CFAP77: variants seen among roughly 807,000 people sequenced by gnomAD.
CFAP77 encodes the protein cilia- and flagella-associated protein 77.
In CFAP77, 25 loss-of-function variants were observed where a neutral mutation model predicts 31.1. The ratio of observed to expected loss-of-function variants is 0.80; its 90% confidence interval spans 0.59 to 1.12. The LOEUF is 1.12. CFAP77 is among the 50% of genes most tolerant of loss of function. The probability of loss-of-function intolerance (pLI) is 0.00; values close to 1 mark genes in which losing one functional copy is unlikely to be tolerated. For synonymous variants in CFAP77, 151 were observed against 159.9 expected, an observed-to-expected ratio of 0.94 and a Z score of 0.42; for missense variants, 377 against 397.3, an observed-to-expected ratio of 0.95 and a Z score of 0.44.
At chr9:132,561,798 C>T (rs1257977113) in intron 5 of CFAP77, among the ~76,000 whole-genome samples, 2 of 152,170 alleles carry the variant, frequency 1.3e-5, no homozygotes, top group African/African-American at 2.4e-5. Flanking sequence ...CTGCCTGAAC[C>T]CCCCACCTGT....
At chr9:132,438,805 G>A (rs916674909) in intron 1 of CFAP77, among the ~76,000 whole-genome samples, 1 of 151,470 alleles carries the variant, frequency 6.6e-6, no homozygotes, top group African/African-American at 2.4e-5. Flanking sequence ...AAAGTGCTGG[G>A]GTTACAGGTG....
intron 3 of CFAP77, among the ~76,000 whole-genome samples, chr9:132,532,369 G>A (rs1296576843): frequency 6.6e-6 from 1 of 152,244 alleles, no homozygotes; most frequent in South Asian, 2.1e-4. Flanking sequence ...GCCCGGCAGA[G>A]AGCGGAGCCA....
intron 1 of CFAP77, chr9:132,482,396 C>A: frequency 6.2e-7 from 1 of 1,612,942 alleles, no homozygotes; most frequent in South Asian, 1.1e-5. Context: ...TTGCTGGACA[C>A]CACATCAAAG....
chr9:132,548,467 G>A (rs998037831), intron 5 of CFAP77, among the ~76,000 whole-genome samples: 4 of 152,188 alleles, frequency 2.6e-5, no homozygotes, highest in African/African-American at 7.2e-5. Flanking sequence ...TTTGAGCTCA[G>A]TTCTTCCTGA....
At position 132,509,153 on chromosome 9, in the gene CFAP77, C is replaced by T. The variant is rs148682324; in HGVS notation, c.524+9553C>T. On this transcript the variant is annotated intron_variant, in intron 3 of 5. Coordinates refer to ENST00000393216, the MANE Select transcript of CFAP77 (RefSeq NM_001282957.2). Reference sequence around the variant, plus strand: ...CAAATGGATTAATCCTCACTGCAGCCCTGTGCAGCAGACGCCCGTCACCTC... The same window carrying T: ...CAAATGGATTAATCCTCACTGCAGCTCTGTGCAGCAGACGCCCGTCACCTC... 4.0e-3 allele frequency among the ~76,000 whole-genome samples: 603 copies of T among 152,326 alleles called. 2 individuals carry two copies. Among genetic ancestry groups the T allele is most frequent in the Non-Finnish European group, 6.8e-3 (464 of 68,030 alleles).
intron 3 of CFAP77, among the ~76,000 whole-genome samples, chr9:132,505,485 GGTT>G (rs1283142782): frequency 6.6e-6 from 1 of 152,058 alleles, no homozygotes; most frequent in African/African-American, 2.4e-5. Flanking sequence ...GGAAAATGGG[GGTT>G]GTGTAGACAT....
At chr9:132,536,266 C>T (rs1852541776) in intron 3 of CFAP77, among the ~76,000 whole-genome samples, 1 of 152,028 alleles carries the variant, frequency 6.6e-6, no homozygotes, top group Non-Finnish European at 1.5e-5. Flanking sequence ...GGCTTCCTGG[C>T]CTGTTGGTAG....
At position 132,497,412 on chromosome 9, in the gene CFAP77, G is replaced by A. The variant is rs1052515306; in HGVS notation, c.196-1283G>A. Among the ~76,000 whole-genome samples, 1 of 152,352 alleles carries A rather than the reference G, an allele frequency of 6.6e-6. No individual in the cohort carries two copies. The highest frequency in any genetic ancestry group is 2.4e-5 in the African/African-American group (1 of 41,588). On this transcript the variant is annotated intron_variant, in intron 1 of 5. Transcript: ENST00000393216. This position sits in a 1 kb window ranked among gnomAD's most constrained non-coding sequence, Gnocchi z 4.9. ...GGCGCAGCCAGAGTGGAGAGATCCC[G>A]GGAAATGTAACACCCTGTGACTTCG...
At position 132,414,523 on chromosome 9, in the gene CFAP77, ACAC is replaced by A. The variant is rs1850064109; in HGVS notation, c.195+4058_195+4060del. On this transcript the variant is annotated intron_variant, in intron 1 of 5. Coordinates refer to ENST00000393216, the MANE Select transcript of CFAP77 (RefSeq NM_001282957.2). The stretch of plus-strand genomic sequence containing the variant: ...TTCACACACACACACACACACACAC[ACAC>A]ACACACACACACACGCAGGTATGCA... Among the ~76,000 whole-genome samples, 3 of 151,884 alleles carry A rather than the reference ACAC, an allele frequency of 2.0e-5. No individual in the cohort carries two copies. The South Asian group carries it at 6.3e-4, about 32-fold the overall frequency.
intron 5 of CFAP77, among the ~76,000 whole-genome samples, chr9:132,569,728 CTTTTT>C (rs558402201): frequency 1.0e-5 from 1 of 98,476 alleles, no homozygotes; most frequent in East Asian, 3.3e-4. Flanking sequence ...TCTAGCTGCC[CTTTTT>C]TTTTTTTTTT....
chr9:132,559,073 A>G (rs1852951580), intron 5 of CFAP77, among the ~76,000 whole-genome samples: 1 of 151,034 alleles, frequency 6.6e-6, no homozygotes, highest in Non-Finnish European at 1.5e-5. Flanking sequence ...GTGGCCGGGC[A>G]CAGTGGCTCA....
intron 3 of CFAP77, among the ~76,000 whole-genome samples, chr9:132,521,778 T>TTTTTTTTTTTTTTTTTTTTTTG (rs533275755): frequency 2.1e-4 from 22 of 106,150 alleles, no homozygotes; most frequent in African/African-American, 7.3e-4. Context: ...TTTTTTTTTT[T>TTTTTTTTTTTTTTTTTTTTTTG]TTTTTTGAGA....
intron 5 of CFAP77, among the ~76,000 whole-genome samples, chr9:132,555,150 T>G (rs1852881411): frequency 1.3e-5 from 2 of 152,216 alleles, no homozygotes; most frequent in African/African-American, 4.8e-5. Context: ...ATTAACATCT[T>G]TGCTATCTAG....
In CFAP77 at chr9:132,499,297, T is replaced by G; in HGVS notation, c.296-75T>G. On this transcript the variant is annotated intron_variant, in intron 2 of 5. Coordinates refer to ENST00000393216, the MANE Select transcript of CFAP77 (RefSeq NM_001282957.2). The surrounding 1 kb of genome is among the most constrained non-coding windows in gnomAD (Gnocchi z 5.4). Reference sequence around the variant, plus strand: ...AGGCCGAGGACCCGCGTGCCCCCATTTCTTCTCGATCAGCTGCCTCAGGGT... The same window carrying G: ...AGGCCGAGGACCCGCGTGCCCCCATGTCTTCTCGATCAGCTGCCTCAGGGT... 1.4e-6 allele frequency: 2 copies of G among 1,382,640 alleles called. No individual in the cohort carries two copies. Among genetic ancestry groups the G allele is most frequent in the Non-Finnish European group, 2.0e-6 (2 of 990,094 alleles). The allele number at this position is 1,382,640 out of a possible 1,614,324, so 85.6% of individuals were successfully genotyped here. A position where few individuals can be genotyped will look rare whatever the true frequency, so the allele number is the denominator to read the frequency against.
Position 132,525,115 on chromosome 9 carries a change from G to GT in CFAP77, c.525-12484dup, listed in dbSNP as rs757011074. Among the ~76,000 whole-genome samples, 3 of 148,860 alleles carry GT rather than the reference G, an allele frequency of 2.0e-5. No homozygotes were observed. In the East Asian group the frequency reaches 6.0e-4, roughly 30 times the overall value. On this transcript the variant is annotated intron_variant, in intron 3 of 5. Coordinates refer to ENST00000393216, the MANE Select transcript of CFAP77 (RefSeq NM_001282957.2). Reference sequence around the variant, plus strand: ...GCTCACTGCAACCTCCGCTTCCCGAGTTCAAGCGGTTCTCCTGCGTCAGCC... The same window carrying GT: ...GCTCACTGCAACCTCCGCTTCCCGAGTTTCAAGCGGTTCTCCTGCGTCAGCC...
At chr9:132,570,126 C>G (rs1250910365) in intron 5 of CFAP77, among the ~76,000 whole-genome samples, 1 of 152,190 alleles carries the variant, frequency 6.6e-6, no homozygotes, top group East Asian at 1.9e-4. Context: ...AAAGGTGTCA[C>G]TAGAAGCCCT....
intron 3 of CFAP77, among the ~76,000 whole-genome samples, chr9:132,526,231 T>C (rs1381248355): frequency 6.6e-6 from 1 of 152,064 alleles, no homozygotes; most frequent in Non-Finnish European, 1.5e-5. Flanking sequence ...TTTTTTGTTT[T>C]TTTATTTTTA....
intron 1 of CFAP77, among the ~76,000 whole-genome samples, chr9:132,493,503 A>G (rs1191267266): frequency 6.6e-6 from 1 of 152,240 alleles, no homozygotes; most frequent in Non-Finnish European, 1.5e-5. Context: ...CTCCATCAGC[A>G]GAGAGTTGGG....
intron 1 of CFAP77, among the ~76,000 whole-genome samples, chr9:132,478,646 G>A (rs566627529): frequency 3.9e-5 from 6 of 152,322 alleles, no homozygotes; most frequent in African/African-American, 7.2e-5. Context: ...GATGGGGCCC[G>A]GCGTGGGCTG....
Sources: allele counts gnomAD v4.1 joint callset (sites outside exome capture counted in the v4.1 genomes callset), GRCh38; gene constraint gnomAD v4.1.1; non-coding constraint Gnocchi (gnomAD v3.1); transcripts MANE v1.5; gene names NCBI Gene and HGNC (gene_info 2026-07-23, HGNC 2026-07-21).